PSMD4: variants seen among roughly 807,000 people sequenced by gnomAD.
PSMD4 encodes the protein proteasome 26S subunit ubiquitin receptor, non-ATPase 4, also known as 26S proteasome non-ATPase regulatory subunit 4.
Under a neutral mutation model 39.7 loss-of-function variants are expected in PSMD4, and 5 were observed. That is an observed-to-expected ratio of 0.13 (90% CI 0.07 to 0.26). The LOEUF is 0.26. Ranked by LOEUF, PSMD4 falls within the 10% of genes least tolerant of loss-of-function variation. PSMD4 has a pLI of 1.00. For missense variants in PSMD4, 272 were observed against 486.1 expected (o/e 0.56, Z 4.14); for synonymous variants, 143 against 174.6 (o/e 0.82, Z 1.43).
At chr1:151,265,070 G>A (rs1693398107) in intron 4 of PSMD4, 96 bp from the exon 5 acceptor site, 3 of 1,308,644 alleles carry the variant, frequency 2.3e-6, no homozygotes, top group Non-Finnish European at 2.1e-6. Flanking sequence ...AGGACCTTGG[G>A]GAGGTCAATA....
At position 151,267,170 on chromosome 1, in the gene PSMD4, CAGG is replaced by C; in HGVS notation, c.969_971del (p.Glu323del). 3 of 1,613,838 alleles carry C rather than the reference CAGG, an allele frequency of 1.9e-6. No individual in the cohort carries two copies. Among genetic ancestry groups the C allele is most frequent in the South Asian group, 2.2e-5 (2 of 91,074 alleles). On this transcript the variant is annotated splice_acceptor_variant and coding_sequence_variant, in exon 10 of 10. Coordinates refer to ENST00000368884, the MANE Select transcript of PSMD4 (RefSeq NM_002810.4). LOFTEE classifies it high-confidence loss of function. Reference sequence around the variant, plus strand: ...CCCTTGAGCTCACACTGCCTGTTTGCAGGAGGAGGATGATTACGACGTGATGCA... The same window carrying C: ...CCCTTGAGCTCACACTGCCTGTTTGCAGGAGGATGATTACGACGTGATGCA...
Position 151,266,370 on chromosome 1 carries a change from C to T in PSMD4, c.826C>T (p.Pro276Ser). 1 of 1,614,210 alleles carries T rather than the reference C, an allele frequency of 6.2e-7. No individual in the cohort carries two copies. The highest frequency in any genetic ancestry group is 2.2e-5 in the East Asian group (1 of 44,888). Residue 276 changes from proline to serine, a missense_variant, in exon 8 of 10, where the codon CCT (proline) becomes TCT (serine). Pro to Ser is a moderately conservative substitution (Grantham distance 74). Transcript: ENST00000368884. Reference sequence around the variant, plus strand: ...GCAAGAGTTTGGCCGCACTGGGCTTCCTGACCTAAGCAGTATGACTGAGGA... The same window carrying T: ...GCAAGAGTTTGGCCGCACTGGGCTTTCTGACCTAAGCAGTATGACTGAGGA... ...SQQEFGRTGLPDLSSMTEEEQ... is the reference protein window; with the variant it reads ...SQQEFGRTGLSDLSSMTEEEQ...
At chr1:151,263,805 G>C (rs1031589933) in intron 2 of PSMD4, 109 bp from the exon 3 acceptor site, 1 of 749,974 alleles carries the variant, frequency 1.3e-6, no homozygotes, top group Non-Finnish European at 2.1e-6. Flanking sequence ...ACTCCAGCCT[G>C]GGTGACAGAG....
chr1:151,257,176 C>A (rs1571065932), intron 1 of PSMD4, among the ~76,000 whole-genome samples: 1 of 152,312 alleles, frequency 6.6e-6, no homozygotes, highest in East Asian at 1.9e-4. Flanking sequence ...TAGCCAGTAT[C>A]CCCAGTTATT....
At chr1:151,255,263 T>G (rs1050333232) in intron 1 of PSMD4, among the ~76,000 whole-genome samples, 2 of 152,244 alleles carry the variant, frequency 1.3e-5, no homozygotes, top group Non-Finnish European at 2.9e-5. Flanking sequence ...ATTTACAGAT[T>G]GCTTTTTATG....
intron 1 of PSMD4, among the ~76,000 whole-genome samples, chr1:151,257,765 C>G (rs377272026): frequency 8.8e-4 from 115 of 130,174 alleles, no homozygotes; most frequent in African/African-American, 3.2e-3. Context: ...GGGGTTTGGC[C>G]ATGTGGCCAG....
At chr1:151,266,708 A>G (rs1384269176) in intron 9 of PSMD4, 121 bp downstream of exon 9, 4 of 1,209,844 alleles carry the variant, frequency 3.3e-6, no homozygotes, top group Non-Finnish European at 3.6e-6. Context: ...AAACACATGG[A>G]TTTGCATTTC....
At chr1:151,254,898 G>A (rs1693128257) in intron 1 of PSMD4, 90 bp downstream of exon 1, 1 of 1,382,422 alleles carries the variant, frequency 7.2e-7, no homozygotes, top group Admixed American at 3.8e-5. Flanking sequence ...GGGGGCCAGG[G>A]GCTCATGGGC....
rs1380536909 is a variant in PSMD4, at chr1:151,255,151, CA to C, written c.26+347del. 2.0e-5 allele frequency among the ~76,000 whole-genome samples: 3 copies of C among 152,216 alleles called. No homozygotes were observed. The East Asian group carries it at 5.8e-4, about 29-fold the overall frequency. On this transcript the variant is annotated intron_variant, in intron 1 of 9. Transcript: ENST00000368884. ...ATAGTTTTCTGCCCTCCTTTCTTTG[CA>C]AAATAACGTCTATTAGGAAAATAGA...
At chr1:151,259,151 TAC>T (rs1693253666) in intron 1 of PSMD4, 1 of 152,294 alleles carries the variant, frequency 6.6e-6, no homozygotes, top group African/African-American at 2.4e-5. Flanking sequence ...AGGTTGAGGC[TAC>T]AGTGAGCTGT....
chr1:151,265,922 T>G, intron 6 of PSMD4, 82 bp from the exon 7 acceptor site: 1 of 1,481,044 alleles, frequency 6.8e-7, no homozygotes, highest in Non-Finnish European at 9.0e-7. Flanking sequence ...TTTATGTTCC[T>G]TTCCCACACC....
chr1:151,264,147 G>A, intron 3 of PSMD4, 119 bp downstream of exon 3: 1 of 745,208 alleles, frequency 1.3e-6, no homozygotes, highest in Non-Finnish European at 2.2e-6. Context: ...CTAACTTGGA[G>A]TAGAAAGGAT....
intron 1 of PSMD4, 137 bp downstream of exon 1, chr1:151,254,945 T>A: frequency 9.0e-7 from 1 of 1,105,280 alleles, no homozygotes; most frequent in Non-Finnish European, 1.2e-6. Flanking sequence ...AGGAGCCCGC[T>A]GGACTCCCTG....
At chr1:151,264,803 A>G in intron 3 of PSMD4, 29 bp from the exon 4 acceptor site, 1 of 1,552,750 alleles carries the variant, frequency 6.4e-7, no homozygotes, top group Non-Finnish European at 8.9e-7. Context: ...CCTCTGGTTA[A>G]CTCTGAGAAC....
rs990243239 is a variant in PSMD4 at position 151,254,798 on chromosome 1, A to G, written c.16A>G (p.Thr6Ala). The G allele has an allele frequency of 1.9e-6, 3 of 1,555,746 alleles. No homozygotes were observed. The highest frequency in any genetic ancestry group is 1.4e-5 in the African/African-American group (1 of 71,984). The change falls in exon 1 of 10, where the codon ACT (threonine) becomes GCT (alanine). Residue 6 changes from threonine to alanine, a missense_variant. Coordinates refer to ENST00000368884, the MANE Select transcript of PSMD4 (RefSeq NM_002810.4). ...AGGTGGCAAGATGGTGTTGGAAAGC[A>G]CTATGGTGTGGTGAGGAGCTACTTC... Reference protein sequence around the residue: MVLESTMVCVDNSEYM... With the variant: MVLESAMVCVDNSEYM...
rs587620800 is a variant in PSMD4, at chr1:151,259,437, G to A, written c.27-2724G>A. ...GGCATTTCGGATCTCAAGAGTTTCT[G>A]ATTAAGTGTACTTAACCTATATATT... On this transcript the variant is annotated intron_variant, in intron 1 of 9. Transcript: ENST00000368884. 2.6e-5 allele frequency among the ~76,000 whole-genome samples: 4 copies of A among 152,298 alleles called. No individual in the cohort carries two copies. The South Asian group carries it at 8.3e-4, about 32-fold the overall frequency.
In PSMD4 at chr1:151,265,528, T is replaced by C; in HGVS notation, c.573T>C (p.Gly191=). ...TCATCAGTTCTCCGATTTTGGCTGG[T>C]GAAGGTGGTGCCATGCTGGGTCTTG... is the stretch of plus-strand genomic sequence containing the variant. ...DALISSPILA[G]EGGAMLGLGA... The change falls in exon 6 of 10, where the codon GGT becomes GGC. Residue 191 remains glycine (G), a synonymous_variant. Coordinates refer to ENST00000368884, the MANE Select transcript of PSMD4 (RefSeq NM_002810.4). 6.2e-7 allele frequency: 1 copy of C among 1,614,188 alleles called. No individual in the cohort carries two copies. The highest frequency in any genetic ancestry group is 8.5e-7 in the Non-Finnish European group (1 of 1,180,028).
rs1048459348 is a variant in PSMD4, at chr1:151,265,911, C to T, written c.655-93C>T. ...CTGTGTGATAAACCAGAAGCTGCCC[C>T]TTTATGTTCCTTTCCCACACCCCAA... On this transcript the variant is annotated intron_variant, in intron 6 of 9. Coordinates refer to ENST00000368884, the MANE Select transcript of PSMD4 (RefSeq NM_002810.4). The T allele has an allele frequency of 4.8e-6, 7 of 1,449,740 alleles. No individual in the cohort carries two copies. In the African/African-American group the frequency reaches 8.6e-5, roughly 18 times the overall value. The allele number at this position is 1,449,740 out of a possible 1,614,324, so 89.8% of individuals were successfully genotyped here. A position where few individuals can be genotyped will look rare whatever the true frequency, so the allele number is the denominator to read the frequency against.
chr1:151,257,075 G>A (rs1355111441), intron 1 of PSMD4, among the ~76,000 whole-genome samples: 1 of 152,144 alleles, frequency 6.6e-6, no homozygotes, highest in Non-Finnish European at 1.5e-5. Context: ...TATAGTTTTG[G>A]GTTTTACCTT....
Sources: gnomAD v4.1 joint callset for allele counts (sites outside exome capture counted in the v4.1 genomes callset) on GRCh38, gnomAD v4.1.1 for gene constraint, MANE v1.5 for transcripts, NCBI Gene and HGNC (gene_info 2026-07-23, HGNC 2026-07-21) for gene names.